NWD1: variants seen among roughly 807,000 people sequenced by gnomAD.
NWD1 encodes NACHT domain- and WD repeat-containing protein 1.
A neutral mutation model predicts 135.1 loss-of-function variants in NWD1; 129 were observed. The observed-to-expected ratio is 0.96, with a 90% CI of 0.83 to 1.11. The LOEUF is 1.11. NWD1 is among the 50% of genes least tolerant of loss of function. The pLI, the probability that NWD1 is intolerant of heterozygous loss-of-function variation, is 0.00. For synonymous variants in NWD1, 773 were observed against 786.0 expected, an observed-to-expected ratio of 0.98 and a Z score of 0.28; for missense variants, 1,740 against 1,851.3, an observed-to-expected ratio of 0.94 and a Z score of 1.10.
chr19:16,757,229 C>G (rs1256320821), intron 6 of NWD1, among the ~76,000 whole-genome samples: 1 of 152,118 alleles, frequency 6.6e-6, no homozygotes, highest in Non-Finnish European at 1.5e-5. Context: ...AGACTGGGGA[C>G]TGCTGCCCTA....
In NWD1 at chr19:16,749,956, T is replaced by C; in HGVS notation, c.1314T>C (p.Ala438=). ...NFESLVLLLD[A]MDDLDSVRHA... ...AGTCTCTCGTGCTCCTGCTGGATGC[T>C]ATGGATGACCTGGACTCTGTCCGCC... The change falls in exon 6 of 19, where the codon GCT becomes GCC. Residue 438 remains alanine, a synonymous_variant. Transcript: ENST00000524140. 1 of 1,613,822 alleles carries C rather than the reference T, an allele frequency of 6.2e-7. No homozygotes were observed. Among genetic ancestry groups the C allele is most frequent in the Non-Finnish European group, 8.5e-7 (1 of 1,180,036 alleles).
intron 10 of NWD1, among the ~76,000 whole-genome samples, chr19:16,768,225 A>T (rs1405590498): frequency 6.6e-6 from 1 of 151,814 alleles, no homozygotes; most frequent in Non-Finnish European, 1.5e-5. Context: ...CGAACTCCTG[A>T]CCTCATGTGA....
intron 5 of NWD1, 178 bp downstream of exon 5, chr19:16,744,896 A>G (rs1968242043): frequency 1.5e-6 from 1 of 662,328 alleles, no homozygotes; most frequent in Non-Finnish European, 2.7e-6. Flanking sequence ...TAGTTCAGCC[A>G]TGTTCCTGAT....
At position 16,779,415 on chromosome 19, in the gene NWD1, T is replaced by C. The variant is rs765336006; in HGVS notation, c.2681T>C (p.Val894Ala). 1 of 1,613,752 alleles carries C rather than the reference T, an allele frequency of 6.2e-7. No individual in the cohort carries two copies. The highest frequency in any genetic ancestry group is 1.1e-5 in the South Asian group (1 of 91,076). ...GGCACCCAGGATGGCATCATGGCTG[T>C]GTGGGACATGGAAGAGCAGCATGTG... is the stretch of plus-strand genomic sequence containing the variant. ...VIGTQDGIMAVWDMEEQHVIH... is the reference protein window; with the variant it reads ...VIGTQDGIMAAWDMEEQHVIH... Residue 894 changes from valine to alanine, a missense_variant, in exon 12 of 19, where the codon GTG becomes GCG. Transcript: ENST00000524140.
At chr19:16,742,382 T>C (rs1477147151) in intron 4 of NWD1, among the ~76,000 whole-genome samples, 3 of 151,804 alleles carry the variant, frequency 2.0e-5, no homozygotes, top group Non-Finnish European at 4.4e-5. Flanking sequence ...CTCAAAAAAA[T>C]AAAATAAATA....
chr19:16,812,233 A>G (rs911762926), intron 18 of NWD1, among the ~76,000 whole-genome samples: 1 of 151,954 alleles, frequency 6.6e-6, no homozygotes, highest in Middle Eastern at 3.4e-3. Flanking sequence ...GCTTGAAACC[A>G]GGAGGTGGAG....
chr19:16,767,825 A>G (rs1268325856), intron 10 of NWD1, among the ~76,000 whole-genome samples: 1 of 151,866 alleles, frequency 6.6e-6, no homozygotes, highest in Admixed American at 6.6e-5. Context: ...GTCCCTGGCA[A>G]CCACCATGCT....
intron 11 of NWD1, 76 bp downstream of exon 11, chr19:16,773,399 G>A: frequency 7.6e-7 from 1 of 1,312,442 alleles, no homozygotes; most frequent in African/African-American, 1.5e-5. Context: ...GGTGTTTGAG[G>A]TTGTCCTCTG....
chr19:16,743,186 C>T (rs1275016791), intron 4 of NWD1, among the ~76,000 whole-genome samples: 1 of 151,668 alleles, frequency 6.6e-6, no homozygotes, highest in Non-Finnish European at 1.5e-5. Context: ...GTTGAGATTA[C>T]AGGCGTGAGC....
In NWD1 at chr19:16,761,903, C is replaced by T; in HGVS notation, c.1974-76C>T. 3 of 1,288,472 alleles carry T rather than the reference C, an allele frequency of 2.3e-6. No homozygotes were observed. In the Admixed American group the frequency reaches 6.0e-5, roughly 26 times the overall value. 79.8% of individuals were successfully genotyped at this position (1,288,472 alleles called of 1,614,324 possible). On this transcript the variant is annotated intron_variant, in intron 7 of 18. Transcript: ENST00000524140. ...AGGATGGCTTGGGATTTGGGAACTG[C>T]CTCCAGGAAGACAAGCAGCCACCTT...
At position 16,749,906 on chromosome 19, in the gene NWD1, C is replaced by A. The variant is rs1968496109; in HGVS notation, c.1264C>A (p.His422Asn). Residue 422 changes from histidine (H) to asparagine (N), a missense_variant, in exon 6 of 19, where the codon CAC becomes AAC. His to Asn is a moderately conservative substitution (Grantham distance 68). Transcript: ENST00000524140. ...GGTCCAGTTTTTCCATACCCTCCTC[C>A]ACACTGTCTCTTGCAGAAACTTCGA... is the stretch of plus-strand genomic sequence containing the variant. ...RVVQFFHTLL[H>N]TVSCRNFESL... is the part of the protein sequence containing the mutation. 6.2e-7 allele frequency: 1 copy of A among 1,613,520 alleles called. No homozygotes were observed. The highest frequency in any genetic ancestry group is 8.5e-7 in the Non-Finnish European group (1 of 1,180,058).
intron 16 of NWD1, 89 bp from the exon 17 acceptor site, chr19:16,799,797 C>T (rs1352678055): frequency 2.6e-5 from 33 of 1,286,472 alleles, no homozygotes; most frequent in Admixed American, 9.4e-5. Flanking sequence ...CGTGAGCCAC[C>T]GCGCCTGGCC....
chr19:16,803,309 G>A (rs978104350), intron 17 of NWD1, among the ~76,000 whole-genome samples: 1 of 152,034 alleles, frequency 6.6e-6, no homozygotes, highest in Non-Finnish European at 1.5e-5. Context: ...GCCTCAGGTA[G>A]TCCTTCATAG....
intron 4 of NWD1, among the ~76,000 whole-genome samples, chr19:16,740,642 A>AT (rs1162769783): frequency 0.016 from 1,842 of 112,860 alleles, 40 homozygotes; most frequent in African/African-American, 0.038. Flanking sequence ...CCAGACTTCT[A>AT]TTTTTTTTTT....
chr19:16,779,263 G>C (rs1486416799), intron 11 of NWD1, 80 bp from the exon 12 acceptor site: 1 of 1,511,914 alleles, frequency 6.6e-7, no homozygotes, highest in Non-Finnish European at 9.2e-7. Flanking sequence ...TGTGAAGTGG[G>C]GGGCTCATTA....
intron 2 of NWD1, among the ~76,000 whole-genome samples, chr19:16,727,057 G>T (rs1448581763): frequency 6.6e-6 from 1 of 152,180 alleles, no homozygotes; most frequent in African/African-American, 2.4e-5. Flanking sequence ...TGTCTTTCTT[G>T]TCTGGGCTGT....
At position 16,773,296 on chromosome 19, in the gene NWD1, C is replaced by A. The variant is rs780024373; in HGVS notation, c.2581C>A (p.Arg861=). The change falls in exon 11 of 19, where the codon CGG becomes AGG. Residue 861 remains arginine, a synonymous_variant. Transcript: ENST00000524140. ...CCTCCAGCCCCCGGGAGGACCCCTC[C>A]GGGCAACTCTCAGCGGCTGTCACAA... ...GFLQPPGGPL[R]ATLSGCHKGI... 1.2e-6 allele frequency: 2 copies of A among 1,612,998 alleles called. No homozygotes were observed. The highest frequency in any genetic ancestry group is 2.2e-5 in the East Asian group (1 of 44,866).
At chr19:16,795,448 G>T (rs892372913) in intron 15 of NWD1, among the ~76,000 whole-genome samples, 2 of 142,920 alleles carry the variant, frequency 1.4e-5, no homozygotes, top group South Asian at 2.2e-4. Flanking sequence ...ACCGAGTCTC[G>T]CTCTATTGCG....
chr19:16,748,831 A>G (rs1362808229), intron 5 of NWD1, among the ~76,000 whole-genome samples: 1 of 149,148 alleles, frequency 6.7e-6, no homozygotes, highest in East Asian at 1.9e-4. Flanking sequence ...CTCAATAATA[A>G]TAATAATAAG....
Sources: gnomAD v4.1 joint callset for allele counts (sites outside exome capture counted in the v4.1 genomes callset) on GRCh38, gnomAD v4.1.1 for gene constraint, MANE v1.5 for transcripts, NCBI Gene and HGNC (gene_info 2026-07-23, HGNC 2026-07-21) for gene names.